Variants in PLEKHA2 observed in about 807,000 individuals in gnomAD.
PLEKHA2 encodes pleckstrin homology domain-containing family A member 2.
Under a neutral mutation model 53.2 loss-of-function variants are expected in PLEKHA2, and 28 were observed. The ratio of observed to expected loss-of-function variants is 0.53; its 90% CI spans 0.39 to 0.72. PLEKHA2 has a LOEUF of 0.72. Ranked by LOEUF, PLEKHA2 falls within the 30% of genes least tolerant of loss-of-function variation. The probability of loss-of-function intolerance (pLI) is 0.00; values close to 1 mark genes in which losing one functional copy is unlikely to be tolerated. For synonymous variants in PLEKHA2, 193 were observed against 196.4 expected (o/e 0.98, Z 0.14); for missense variants, 426 against 537.9 (o/e 0.79, Z 2.06).
At chr8:38,919,799 C>T (rs564252207) in intron 2 of PLEKHA2, among the ~76,000 whole-genome samples, 1 of 152,254 alleles carries the variant, frequency 6.6e-6, no homozygotes, top group East Asian at 1.9e-4. Context: ...CACCCTGCAG[C>T]CCTGATAAAC....
At chr8:38,906,191 A>G (rs1042242284) in intron 1 of PLEKHA2, among the ~76,000 whole-genome samples, 6 of 152,232 alleles carry the variant, frequency 3.9e-5, no homozygotes, top group African/African-American at 1.4e-4. Flanking sequence ...TAAAGCCAGT[A>G]TGGCTGCGTG....
intron 2 of PLEKHA2, among the ~76,000 whole-genome samples, chr8:38,925,263 G>A (rs1013576684): frequency 2.6e-4 from 39 of 152,208 alleles, no homozygotes; most frequent in South Asian, 4.1e-4. Flanking sequence ...ATTGGTTCCC[G>A]TCATGATAGA....
At chr8:38,920,338 T>C (rs564315503) in intron 2 of PLEKHA2, among the ~76,000 whole-genome samples, 1 of 151,988 alleles carries the variant, frequency 6.6e-6, no homozygotes, top group Non-Finnish European at 1.5e-5. Flanking sequence ...TTTTTTTTAG[T>C]AGAGACGGGG....
intron 1 of PLEKHA2, among the ~76,000 whole-genome samples, chr8:38,911,308 C>G (rs1319186185): frequency 6.6e-6 from 1 of 151,856 alleles, no homozygotes; most frequent in East Asian, 1.9e-4. Context: ...ATGATCTCGG[C>G]TCACTGCAAC....
intron 2 of PLEKHA2, among the ~76,000 whole-genome samples, chr8:38,931,494 C>T (rs1191537456): frequency 1.3e-5 from 2 of 152,186 alleles, no homozygotes; most frequent in African/African-American, 2.4e-5. Flanking sequence ...CTCTTCTACC[C>T]GATCCTGATT....
intron 5 of PLEKHA2, among the ~76,000 whole-genome samples, chr8:38,949,586 A>G (rs1215006937): frequency 6.6e-6 from 1 of 152,248 alleles, no homozygotes; most frequent in African/African-American, 2.4e-5. Context: ...TCCAACTAAC[A>G]ATAAAAATTT....
intron 10 of PLEKHA2, 52 bp downstream of exon 10, chr8:38,957,438 C>A (rs1376727425): frequency 1.4e-6 from 2 of 1,434,148 alleles, no homozygotes; most frequent in Non-Finnish European, 9.8e-7. Flanking sequence ...GTGAATGGTG[C>A]CCTCACAGGC....
At chr8:38,902,871 C>G (rs974859234) in intron 1 of PLEKHA2, among the ~76,000 whole-genome samples, 1 of 152,188 alleles carries the variant, frequency 6.6e-6, no homozygotes, top group Non-Finnish European at 1.5e-5. Context: ...GTAAGCCCCC[C>G]ACTTGTTTTG....
intron 8 of PLEKHA2, 96 bp downstream of exon 8, chr8:38,952,800 G>T: frequency 7.8e-7 from 1 of 1,286,916 alleles, no homozygotes. Context: ...TGGAGATGTG[G>T]GCACACAAAG....
intron 2 of PLEKHA2, among the ~76,000 whole-genome samples, chr8:38,926,204 G>A (rs188599352): frequency 3.5e-4 from 53 of 152,172 alleles, no homozygotes; most frequent in Non-Finnish European, 5.9e-4. Context: ...TATCCATGTA[G>A]ACTTGTGATT....
In PLEKHA2 at chr8:38,948,947, T is replaced by A. The variant is rs1452433398; in HGVS notation, c.346-1903T>A. Among the ~76,000 whole-genome samples the A allele has an allele frequency of 2.0e-5, 3 of 152,276 alleles. No individual in the cohort carries two copies. The East Asian group carries it at 5.8e-4, about 29-fold the overall frequency. ...GTGCAATGGCGTGATCTCGGCTCAC[T>A]GCAACCTCTGCCTTCTGGGTTCAAG... On this transcript the variant is annotated intron_variant, in intron 5 of 11. Coordinates refer to ENST00000617275, the MANE Select transcript of PLEKHA2 (RefSeq NM_021623.2).
intron 1 of PLEKHA2, among the ~76,000 whole-genome samples, chr8:38,916,196 C>T (rs1445748026): frequency 6.6e-6 from 1 of 152,126 alleles, no homozygotes; most frequent in Non-Finnish European, 1.5e-5. Context: ...AGGCTGGTCT[C>T]GAATTCCTGA....
At chr8:38,904,442 C>T (rs755198605) in intron 1 of PLEKHA2, among the ~76,000 whole-genome samples, 1 of 152,228 alleles carries the variant, frequency 6.6e-6, no homozygotes, top group South Asian at 2.1e-4. Flanking sequence ...TTGAGAAGCA[C>T]TGCAGTTAAA....
At chr8:38,963,194 C>CT (rs1268503269) in intron 10 of PLEKHA2, among the ~76,000 whole-genome samples, 1 of 152,212 alleles carries the variant, frequency 6.6e-6, no homozygotes, top group Non-Finnish European at 1.5e-5. Flanking sequence ...TTAATACTGT[C>CT]TGTCCTACTC....
intron 2 of PLEKHA2, among the ~76,000 whole-genome samples, chr8:38,930,214 A>AT (rs1285636928): frequency 1.3e-5 from 2 of 151,698 alleles, no homozygotes; most frequent in African/African-American, 4.8e-5. Context: ...TTATTTATTT[A>AT]TTTTTGAGAT....
chr8:38,928,406 A>T (rs4316120), intron 2 of PLEKHA2, among the ~76,000 whole-genome samples: 51,730 of 151,400 alleles, frequency 0.34, 9,223 homozygotes, highest in Non-Finnish European at 0.38. Flanking sequence ...GCGCCACCAC[A>T]CCCAGCTAAT....
In PLEKHA2 at chr8:38,917,895, TC is replaced by T. The variant is rs1564108582; in HGVS notation, c.-23-10del. The T allele has an allele frequency of 6.2e-7, 1 of 1,608,366 alleles. No homozygotes were observed. The highest frequency in any genetic ancestry group is 8.5e-7 in the Non-Finnish European group (1 of 1,175,800). ...ATCTTCCTTCTCATCAGCACCTCCCTCCTGCGCGCAGGGTGATGTGAGCAGA... is the reference window on the plus strand; with the variant it reads ...ATCTTCCTTCTCATCAGCACCTCCCTCTGCGCGCAGGGTGATGTGAGCAGA... On this transcript the variant is annotated splice_polypyrimidine_tract_variant and intron_variant, in intron 1 of 11. Coordinates refer to ENST00000617275, the MANE Select transcript of PLEKHA2 (RefSeq NM_021623.2).
chr8:38,967,945 GC>G (rs1835171886), intron 10 of PLEKHA2, among the ~76,000 whole-genome samples: 1 of 152,212 alleles, frequency 6.6e-6, no homozygotes, highest in Non-Finnish European at 1.5e-5. Context: ...ACAGGCATGA[GC>G]CACCACGCTT....
intron 1 of PLEKHA2, among the ~76,000 whole-genome samples, chr8:38,904,334 G>T (rs11785631): frequency 0.21 from 32,089 of 152,240 alleles, 4,184 homozygotes; most frequent in East Asian, 0.37. Context: ...TGGGCAAAAG[G>T]CTTGGGGGCT....
Sources: allele counts gnomAD v4.1 joint callset (sites outside exome capture counted in the v4.1 genomes callset), GRCh38; gene constraint gnomAD v4.1.1; transcripts MANE v1.5; gene names NCBI Gene and HGNC (gene_info 2026-07-23, HGNC 2026-07-21).